ZC3H11A: variants seen among roughly 807,000 people sequenced by gnomAD.
The protein encoded by ZC3H11A is zinc finger CCCH domain-containing protein 11A.
ZC3H11A carries 22 observed loss-of-function variants against 90.8 expected under a neutral mutation model. The ratio of observed to expected loss-of-function variants is 0.24; its 90% CI spans 0.17 to 0.35. ZC3H11A has a LOEUF of 0.35. Ranked by LOEUF, ZC3H11A falls within the 10% of genes least tolerant of loss-of-function variation. The probability of loss-of-function intolerance (pLI) is 1.00; values close to 1 mark genes in which losing one functional copy is unlikely to be tolerated. For synonymous variants in ZC3H11A, 294 were observed against 339.8 expected (o/e 0.87, Z 1.48); for missense variants, 701 against 964.9 (o/e 0.73, Z 3.62).
chr1:203,839,308 C>A (rs1685346330), intron 11 of ZC3H11A, among the ~76,000 whole-genome samples: 1 of 152,196 alleles, frequency 6.6e-6, no homozygotes, highest in South Asian at 2.1e-4. Flanking sequence ...TCCCAAGTAG[C>A]TGGAAGTACA....
intron 9 of ZC3H11A, among the ~76,000 whole-genome samples, 173 bp from the exon 10 acceptor site, chr1:203,833,618 G>GTTTTGT (rs1406798880): frequency 8.0e-6 from 1 of 124,832 alleles, no homozygotes; most frequent in East Asian, 2.3e-4. Context: ...ATAGGTTTGG[G>GTTTTGT]TTTTTTTTTT....
At chr1:203,805,350 C>G (rs1444011869) in intron 2 of ZC3H11A, among the ~76,000 whole-genome samples, 1 of 152,010 alleles carries the variant, frequency 6.6e-6, no homozygotes, top group Non-Finnish European at 1.5e-5. Context: ...CCAGGCTGGT[C>G]TCGAACTTCT....
Position 203,817,096 on chromosome 1 carries a change from A to G in ZC3H11A, c.26A>G (p.Tyr9Cys). The change falls in exon 3 of 18, where the codon TAT (tyrosine) becomes TGT (cysteine). Residue 9 changes from tyrosine to cysteine, a missense_variant. Tyr to Cys is a radical substitution (Grantham distance 194). This residue lies in a region of ZC3H11A where 59 missense variants were observed against 132.8 expected (regional missense o/e 0.44). Transcript: ENST00000367210. The stretch of plus-strand genomic sequence containing the variant: ...ATGCCTAATCAAGGAGAAGACTGCT[A>G]TTTTTTTTTCTATTCCACATGTACC... Reference protein sequence around the residue: MPNQGEDCYFFFYSTCTKG... With the variant: MPNQGEDCCFFFYSTCTKG... The G allele has an allele frequency of 1.9e-6, 3 of 1,587,838 alleles. No individual in the cohort carries two copies. The highest frequency in any genetic ancestry group is 2.6e-6 in the Non-Finnish European group (3 of 1,163,080).
chr1:203,825,174 C>T (rs1680117499), intron 4 of ZC3H11A, among the ~76,000 whole-genome samples: 1 of 150,076 alleles, frequency 6.7e-6, no homozygotes, highest in African/African-American at 2.5e-5. Flanking sequence ...AATGAATGAA[C>T]AATATTAAAT....
rs1188733954 is a variant in ZC3H11A at position 203,797,643 on chromosome 1, G to T, written c.-1588+1849G>T. ...TATTAATTCTAATACAGATGAAGAA[G>T]ATGTGGTAGAGGAAAAGATGGTAGC... On this transcript the variant is annotated intron_variant, in intron 1 of 17. Coordinates refer to ENST00000367210, the MANE Select transcript of ZC3H11A (RefSeq NM_001376342.1). 7 of 1,535,966 alleles carry T rather than the reference G, an allele frequency of 4.6e-6. No individual in the cohort carries two copies. In the East Asian group the frequency reaches 1.7e-4, roughly 38 times the overall value.
Position 203,854,082 on chromosome 1 carries a change from A to G in ZC3H11A, c.*1683A>G, listed in dbSNP as rs1689738528. ...GAACCATTTGCCCTTACAGAAAGAG[A>G]AATACTTGTTTGTGTTTTAAATAAA... On this transcript the variant is annotated 3_prime_UTR_variant, in exon 18 of 18. Coordinates refer to ENST00000367210, the MANE Select transcript of ZC3H11A (RefSeq NM_001376342.1). 1 of 152,612 alleles carries G rather than the reference A, an allele frequency of 6.6e-6. No individual in the cohort carries two copies. Among genetic ancestry groups the G allele is most frequent in the Non-Finnish European group, 1.5e-5 (1 of 68,044 alleles). The allele number at this position is 152,612 out of a possible 1,614,324, so 9.5% of individuals were successfully genotyped here.
intron 8 of ZC3H11A, among the ~76,000 whole-genome samples, chr1:203,830,648 TA>T (rs904179007): frequency 6.6e-6 from 1 of 151,930 alleles, no homozygotes; most frequent in African/African-American, 2.4e-5. Context: ...CCGTCTCTAC[TA>T]AAACAAAAAA....
chr1:203,840,254 T>G (rs1685687405), intron 11 of ZC3H11A, 52 bp from the exon 12 acceptor site: 1 of 1,564,354 alleles, frequency 6.4e-7, no homozygotes, highest in Non-Finnish European at 8.8e-7. Context: ...GTATTTAAGC[T>G]GTAAAAAGTT....
chr1:203,848,492 G>C (rs12078932), intron 14 of ZC3H11A, 85 bp downstream of exon 14: 121,512 of 987,022 alleles, frequency 0.12, 8,305 homozygotes, highest in Non-Finnish European at 0.14. Flanking sequence ...AAATTTCTAA[G>C]TACTTCATTC....
At chr1:203,831,554 A>C (rs2103040237) in intron 8 of ZC3H11A, 107 bp from the exon 9 acceptor site, 1 of 835,424 alleles carries the variant, frequency 1.2e-6, no homozygotes, top group South Asian at 1.6e-5. Flanking sequence ...TTATAGTCAT[A>C]ATATCAGTCT....
chr1:203,828,177 C>T lies in ZC3H11A; in HGVS notation c.175-122C>T, dbSNP rs1001393928. ...AGCAATCTCTCTTCCTTCTAAAAAT[C>T]ATCTCATCTCACATGCCTCGGATTT... On this transcript the variant is annotated intron_variant, in intron 4 of 17. Transcript: ENST00000367210. 5 of 1,125,220 alleles carry T rather than the reference C, an allele frequency of 4.4e-6. No individual in the cohort carries two copies. In the African/African-American group the frequency reaches 7.8e-5, roughly 18 times the overall value. 69.7% of individuals were successfully genotyped at this position (1,125,220 alleles called of 1,614,324 possible).
chr1:203,844,057 A>C (rs976377404), intron 12 of ZC3H11A, among the ~76,000 whole-genome samples: 1 of 151,758 alleles, frequency 6.6e-6, no homozygotes, highest in Non-Finnish European at 1.5e-5. Context: ...GGGCTTCTCC[A>C]TGTTGGTCAG....
chr1:203,826,164 C>T (rs960288694), intron 4 of ZC3H11A, among the ~76,000 whole-genome samples: 3 of 152,060 alleles, frequency 2.0e-5, no homozygotes, highest in Admixed American at 6.6e-5. Flanking sequence ...TTACATCTAC[C>T]TTTCGGGTGT....
At chr1:203,796,538 C>T (rs1241732777) in intron 1 of ZC3H11A, 3 of 398,748 alleles carry the variant, frequency 7.5e-6, no homozygotes, top group Non-Finnish European at 1.3e-5. Flanking sequence ...TTGACATCTT[C>T]CAGGCCTTGG....
At chr1:203,838,662 A>G (rs2103185857) in intron 11 of ZC3H11A, among the ~76,000 whole-genome samples, 2 of 152,336 alleles carry the variant, frequency 1.3e-5, no homozygotes, top group East Asian at 3.9e-4. Context: ...TTGAAAGGTT[A>G]TAAACAGGCC....
At chr1:203,830,925 A>ATTTTTTTTTTTTTTTTTTTTTTTTTT (rs774771270) in intron 8 of ZC3H11A, among the ~76,000 whole-genome samples, 1 of 51,352 alleles carries the variant, frequency 1.9e-5, no homozygotes, top group Non-Finnish European at 3.7e-5. Context: ...CCAACCCCCA[A>ATTTTTTTTTTTTTTTTTTTTTTTTTT]TTTTTTTTTT....
chr1:203,828,881 T>C (rs1458527925), intron 5 of ZC3H11A, among the ~76,000 whole-genome samples: 1 of 152,236 alleles, frequency 6.6e-6, no homozygotes, highest in African/African-American at 2.4e-5. Context: ...ACTGGCTCTT[T>C]ACAGAAAATA....
In ZC3H11A at chr1:203,828,290, C is replaced by T; in HGVS notation, c.175-9C>T. On this transcript the variant is annotated splice_polypyrimidine_tract_variant and intron_variant, in intron 4 of 17. Transcript: ENST00000367210. ...TTATTTGAAAGCAATGTGTTTTTCC[C>T]TCTTACAGAAAAAACGCAGTGAAAT... 4 of 1,613,908 alleles carry T rather than the reference C, an allele frequency of 2.5e-6. No individual in the cohort carries two copies. The highest frequency in any genetic ancestry group is 3.4e-6 in the Non-Finnish European group (4 of 1,179,900).
intron 1 of ZC3H11A, chr1:203,796,838 C>T (rs1447744304): frequency 6.0e-6 from 1 of 166,204 alleles, no homozygotes; most frequent in East Asian, 1.6e-4. Flanking sequence ...TTTCTCAAAG[C>T]ATTTTTTTCC....
Sources: gnomAD v4.1 joint callset for allele counts (sites outside exome capture counted in the v4.1 genomes callset) on GRCh38, gnomAD v4.1.1 for gene constraint, gnomAD v4.1.1 regional missense constraint, MANE v1.5 for transcripts, NCBI Gene and HGNC (gene_info 2026-07-23, HGNC 2026-07-21) for gene names.